CHD2: variants seen among roughly 807,000 people sequenced by gnomAD.
The protein encoded by CHD2 is chromodomain helicase DNA binding protein 2.
Under a neutral mutation model 243.9 loss-of-function variants are expected in CHD2, and 28 were observed. The ratio of observed to expected loss-of-function variants is 0.11; its 90% CI spans 0.09 to 0.16. The LOEUF is 0.16. CHD2 is among the 10% of genes least tolerant of loss of function. The pLI is 1.00. For synonymous variants in CHD2, 775 were observed against 779.0 expected, an observed-to-expected ratio of 0.99 and a Z score of 0.09; for missense variants, 1,386 against 2,209.8, an observed-to-expected ratio of 0.63 and a Z score of 7.47.
At chr15:93,006,815 T>C (rs545765332) in intron 34 of CHD2, among the ~76,000 whole-genome samples, 1 of 152,358 alleles carries the variant, frequency 6.6e-6, no homozygotes, top group Admixed American at 6.5e-5. Flanking sequence ...GGCACTTGTG[T>C]ATCCTGTAAC....
chr15:93,018,195 C>T (rs113437323), intron 37 of CHD2, among the ~76,000 whole-genome samples: 22 of 152,314 alleles, frequency 1.4e-4, no homozygotes, highest in African/African-American at 4.3e-4. Context: ...AGTGATCCTT[C>T]GCATATTTAG....
At chr15:92,987,495 G>GGAGGCT (rs921997648) in intron 26 of CHD2, among the ~76,000 whole-genome samples, 11 of 151,942 alleles carry the variant, frequency 7.2e-5, no homozygotes, top group South Asian at 6.3e-4. Context: ...CAGGTACTTG[G>GGAGGCT]GAGGCTGAGG....
At chr15:92,972,229 T>C (rs897120818) in intron 18 of CHD2, 36 bp from the exon 19 acceptor site, 1 of 1,590,726 alleles carries the variant, frequency 6.3e-7, no homozygotes, top group Middle Eastern at 1.7e-4. Context: ...AATTTGTGTT[T>C]CAACATAATT....
intron 38 of CHD2, chr15:93,021,424 T>A (rs146092089): frequency 2.0e-5 from 3 of 152,224 alleles, no homozygotes; most frequent in Non-Finnish European, 4.4e-5. Context: ...AATTTGGAAA[T>A]TTTTACAATC....
intron 1 of CHD2, 103 bp from the exon 2 acceptor site, chr15:92,901,061 CGTT>C (rs1208905444): frequency 3.2e-6 from 2 of 618,794 alleles, no homozygotes; most frequent in African/African-American, 1.9e-5. Context: ...TGGTGCTTAC[CGTT>C]GTTGTGTTAT....
intron 28 of CHD2, 49 bp downstream of exon 28, chr15:92,993,047 C>G: frequency 6.2e-7 from 1 of 1,604,050 alleles, no homozygotes; most frequent in Non-Finnish European, 8.5e-7. Flanking sequence ...CACTCTTGGA[C>G]TGGATTTCTG....
Position 92,901,973 on chromosome 15 carries a change from CAG to C in CHD2, c.62+676_62+677del, listed in dbSNP as rs202184658. The C allele has an allele frequency of 1.9e-3, 700 of 376,596 alleles. 3 individuals carry two copies. The highest frequency in any genetic ancestry group is 0.013 in the East Asian group (338 of 26,254). 23.3% of individuals were successfully genotyped at this position (376,596 alleles called of 1,614,324 possible). A position where few individuals can be genotyped will look rare whatever the true frequency, so the allele number is the denominator to read the frequency against. ...ATTTATGAAATCAAATCTGTAATAA[CAG>C]AAATCCTGGAATACTCTTAATATAT... On this transcript the variant is annotated intron_variant, in intron 2 of 38. Transcript: ENST00000394196.
At chr15:93,003,320 T>C (rs1383227473) in intron 33 of CHD2, among the ~76,000 whole-genome samples, 1 of 151,708 alleles carries the variant, frequency 6.6e-6, no homozygotes, top group African/African-American at 2.4e-5. Context: ...TTTTAATAGT[T>C]GGGGAGGATT....
rs1418275766 is a variant in CHD2 at position 93,024,980 on chromosome 15, G to GT, written c.*276dup. On this transcript the variant is annotated 3_prime_UTR_variant, in exon 39 of 39. Coordinates refer to ENST00000394196, the MANE Select transcript of CHD2 (RefSeq NM_001271.4). The stretch of plus-strand genomic sequence containing the variant: ...GGCACTTGGAGGAGGAGCTGACTGT[G>GT]TGTGTACCAGCTTCACTGGGATGTG... The GT allele has an allele frequency of 9.8e-6, 4 of 410,084 alleles. No homozygotes were observed. In the South Asian group the frequency reaches 1.5e-4, roughly 16 times the overall value. The allele number at this position is 410,084 out of a possible 1,614,324, so 25.4% of individuals were successfully genotyped here.
chr15:93,021,742 T>C (rs7179432), intron 38 of CHD2: 68,596 of 152,016 alleles, frequency 0.45, 16,681 homozygotes, highest in East Asian at 0.9. Context: ...GTCTAACCTT[T>C]TAAAACCTGG....
At chr15:92,992,058 C>G (rs2054126825) in intron 27 of CHD2, among the ~76,000 whole-genome samples, 1 of 152,178 alleles carries the variant, frequency 6.6e-6, no homozygotes, top group African/African-American at 2.4e-5. Flanking sequence ...ACAGAAGACT[C>G]TATTTGAAAT....
At chr15:93,005,755 T>C (rs947214048) in intron 34 of CHD2, among the ~76,000 whole-genome samples, 4 of 152,218 alleles carry the variant, frequency 2.6e-5, no homozygotes, top group Admixed American at 1.3e-4. Context: ...TTGTTTTATA[T>C]AAAGGTCATT....
At chr15:92,921,675 A>G (rs935817904) in intron 2 of CHD2, among the ~76,000 whole-genome samples, 1 of 152,178 alleles carries the variant, frequency 6.6e-6, no homozygotes, top group Admixed American at 6.5e-5. Flanking sequence ...TAGAAGGGGA[A>G]TCTCAGCTTG....
chr15:92,939,439 G>A, intron 6 of CHD2, 139 bp from the exon 7 acceptor site: 3 of 903,738 alleles, frequency 3.3e-6, no homozygotes, highest in Non-Finnish European at 4.9e-6. Context: ...TAGGGCCCAA[G>A]AATATGCATG....
At chr15:92,952,959 C>T (rs2053573351) in intron 13 of CHD2, among the ~76,000 whole-genome samples, 1 of 152,220 alleles carries the variant, frequency 6.6e-6, no homozygotes, top group Non-Finnish European at 1.5e-5. Flanking sequence ...TGGGGTGGGC[C>T]AGCCACAGGA....
chr15:93,013,225 A>G (rs1207507800), intron 36 of CHD2, among the ~76,000 whole-genome samples: 2 of 152,230 alleles, frequency 1.3e-5, no homozygotes, highest in Non-Finnish European at 2.9e-5. Flanking sequence ...TTAATTTTAC[A>G]TGGAAGAATA....
Position 92,980,920 on chromosome 15 carries a change from C to G in CHD2, c.2973+9C>G, listed in dbSNP as rs1596431717. On this transcript the variant is annotated intron_variant, in intron 23 of 38. Transcript: ENST00000394196. ...AGGAATCAGAACCTCAGGTAATTAA[C>G]AATGAGGAGAGGGAAATTTTTTTGA... 1 of 1,594,958 alleles carries G rather than the reference C, an allele frequency of 6.3e-7. No homozygotes were observed.
intron 34 of CHD2, 41 bp downstream of exon 34, chr15:93,004,792 G>T (rs759986107): frequency 1.9e-6 from 3 of 1,593,528 alleles, no homozygotes; most frequent in Non-Finnish European, 2.6e-6. Context: ...CTGCAGCCGC[G>T]GTACTTGCTG....
chr15:92,935,453 C>G (rs903714360), intron 5 of CHD2, among the ~76,000 whole-genome samples: 1 of 152,200 alleles, frequency 6.6e-6, no homozygotes, highest in Non-Finnish European at 1.5e-5. Context: ...TGTTTGCTGT[C>G]TGCTATACTT....
Sources: gnomAD v4.1 joint callset for allele counts (sites outside exome capture counted in the v4.1 genomes callset) on GRCh38, gnomAD v4.1.1 for gene constraint, MANE v1.5 for transcripts, NCBI Gene and HGNC (gene_info 2026-07-23, HGNC 2026-07-21) for gene names.